The following MTCL1 variants were observed in gnomAD, a reference collection of about 807,000 sequenced individuals.
MTCL1 encodes the protein microtubule crosslinking factor 1, also known as microtubule cross-linking factor 1.
MTCL1 carries 79 observed loss-of-function variants against 141.4 expected under a neutral mutation model. That is an observed-to-expected ratio of 0.56 (90% confidence interval 0.47 to 0.67). The LOEUF (loss-of-function observed/expected upper bound fraction) is 0.67, where lower values mean the gene tolerates loss of function less well. MTCL1 is among the 30% of genes least tolerant of loss of function. The pLI is 0.00. For missense variants in MTCL1, 2,177 were observed against 2,113.9 expected (o/e 1.03, Z -0.59); for synonymous variants, 914 against 875.8 (o/e 1.04, Z -0.77).
At chr18:8,720,085 G>T in intron 3 of MTCL1, 1 of 360,328 alleles carries the variant, frequency 2.8e-6, no homozygotes, top group Non-Finnish European at 5.0e-6. Flanking sequence ...CAACTTTAGT[G>T]ACACTAAGGT....
chr18:8,788,665 A>C (rs1254938530), intron 7 of MTCL1, among the ~76,000 whole-genome samples: 1 of 152,192 alleles, frequency 6.6e-6, no homozygotes, highest in Non-Finnish European at 1.5e-5. Context: ...CAGATTGCAA[A>C]TCTGGGCAGT....
At chr18:8,789,247 G>A (rs969283616) in intron 7 of MTCL1, among the ~76,000 whole-genome samples, 5 of 152,292 alleles carry the variant, frequency 3.3e-5, no homozygotes, top group Admixed American at 1.3e-4. Flanking sequence ...AGTTACGTGG[G>A]GTTTTATGCC....
At chr18:8,785,466 G>A (rs1226022445) in intron 6 of MTCL1, among the ~76,000 whole-genome samples, 2 of 152,130 alleles carry the variant, frequency 1.3e-5, no homozygotes, top group African/African-American at 2.4e-5. Flanking sequence ...GGGCGCGGAG[G>A]GTCTCCGAGG....
chr18:8,798,086 G>A lies in MTCL1; in HGVS notation c.2242-11G>A, dbSNP rs202058453. On this transcript the variant is annotated splice_polypyrimidine_tract_variant and intron_variant, in intron 9 of 16. Coordinates refer to ENST00000359865, the Ensembl canonical transcript of MTCL1. ...GCTGAAGCTGTGATCGTCACCTCCT[G>A]CCTGTTTCAGGGTGAACATCCAGAG... 3.8e-6 allele frequency: 6 copies of A among 1,569,012 alleles called. No individual in the cohort carries two copies. Among genetic ancestry groups the A allele is most frequent in the East Asian group, 2.4e-5 (1 of 41,988 alleles).
At chr18:8,783,743 C>T in exon 6 of MTCL1, 5 of 1,611,092 alleles carry the variant, frequency 3.1e-6, no homozygotes, top group Non-Finnish European at 4.2e-6. Context: ...GAAGCTGCGG[C>T]TAAAGCTGGT....
exon 6 of MTCL1, chr18:8,784,273 CGAGAGTGATGCGGGCAAGAAG>C: frequency 6.3e-7 from 1 of 1,596,764 alleles, no homozygotes. Flanking sequence ...ACAGCGATGC[CGAGAGTGATGCGGGCAAGAAG>C]GAGAGTGATG....
intron 4 of MTCL1, among the ~76,000 whole-genome samples, chr18:8,751,422 G>A (rs758245159): frequency 7.9e-5 from 12 of 152,270 alleles, no homozygotes; most frequent in Admixed American, 2.0e-4. Context: ...TGATGTTGCC[G>A]CTACTGTTAC....
At chr18:8,825,488 T>C in exon 15 of MTCL1, 1 of 1,610,706 alleles carries the variant, frequency 6.2e-7, no homozygotes. Flanking sequence ...AGACCATCAG[T>C]GTGGGCTTGC....
chr18:8,786,254 G>A (rs1413832605), intron 7 of MTCL1, 163 bp downstream of exon 6: 4 of 827,618 alleles, frequency 4.8e-6, no homozygotes, highest in Non-Finnish European at 6.0e-6. Flanking sequence ...TTGTGGCACT[G>A]GGACAGGCAG....
At position 8,729,673 on chromosome 18, in the gene MTCL1, AATATATATATATATATATATAT is replaced by A. The variant is rs3051533; in HGVS notation, c.357+9216_357+9237del. 1.2e-3 allele frequency among the ~76,000 whole-genome samples: 156 copies of A among 131,574 alleles called. 1 individual carries two copies. Among genetic ancestry groups the A allele is most frequent in the African/African-American group, 2.5e-3 (94 of 36,906 alleles). The allele number at this position is 131,574 out of a possible 152,430, so 86.3% of individuals were successfully genotyped here. ...CTCACTTTGGCTTCCCAAGAAGACA[AATATATATATATATATATATAT>A]ATATATATATATATATATATATATA... On this transcript the variant is annotated intron_variant, in intron 4 of 16. Transcript: ENST00000359865.
intron 4 of MTCL1, among the ~76,000 whole-genome samples, chr18:8,768,685 T>C (rs1243117706): frequency 6.6e-6 from 1 of 152,222 alleles, no homozygotes; most frequent in Non-Finnish European, 1.5e-5. Context: ...CTAACTCTCT[T>C]GCTTTATTTC....
intron 4 of MTCL1, among the ~76,000 whole-genome samples, chr18:8,725,790 C>CTTT (rs796484848): frequency 1.1e-4 from 7 of 61,068 alleles, no homozygotes; most frequent in Non-Finnish European, 1.4e-4. Flanking sequence ...TTTTTTTTTT[C>CTTT]TTTTTTTTTT....
At chr18:8,713,699 A>G (rs1598360010), upstream of MTCL1, among the ~76,000 whole-genome samples, 2 of 152,334 alleles carry the variant, frequency 1.3e-5, no homozygotes, top group South Asian at 4.1e-4. Context: ...GAGTTGAAAC[A>G]CTGGCCCTGG....
chr18:8,766,046 T>A (rs2096458243), intron 4 of MTCL1, among the ~76,000 whole-genome samples: 1 of 152,244 alleles, frequency 6.6e-6, no homozygotes, highest in African/African-American at 2.4e-5. Flanking sequence ...GGAGGTCTTC[T>A]GGATTTTTAT....
At chr18:8,813,204 A>G in exon 12 of MTCL1, 1 of 1,611,680 alleles carries the variant, frequency 6.2e-7, no homozygotes, top group Non-Finnish European at 8.5e-7. Flanking sequence ...GGAGCGGCAG[A>G]AGAAGGAATT....
intron 4 of MTCL1, among the ~76,000 whole-genome samples, chr18:8,769,760 A>G (rs112940345): frequency 9.7e-4 from 148 of 152,322 alleles, no homozygotes; most frequent in African/African-American, 3.4e-3. Context: ...GCTCTGGCTC[A>G]TGGCCCCACT....
In MTCL1 at chr18:8,766,621, T is replaced by C. The variant is rs113158388; in HGVS notation, c.358-11212T>C. ...TAACTTTCTTAGCCTGTGTGTTCAT[T>C]CCAGACAGCACCAGAGATAATCAAA... On this transcript the variant is annotated intron_variant, in intron 4 of 16. Transcript: ENST00000359865. 2.9e-3 allele frequency among the ~76,000 whole-genome samples: 438 copies of C among 152,350 alleles called. 4 individuals are homozygous for C. Among genetic ancestry groups the C allele is most frequent in the African/African-American group, 9.8e-3 (408 of 41,582 alleles).
chr18:8,792,688 A>G (rs2075775960), intron 7 of MTCL1, among the ~76,000 whole-genome samples: 1 of 152,118 alleles, frequency 6.6e-6, no homozygotes, highest in Admixed American at 6.5e-5. Flanking sequence ...GAGCAAGGAC[A>G]CCTCTGGTGT....
chr18:8,733,214 G>A (rs993758784), intron 4 of MTCL1, among the ~76,000 whole-genome samples: 1 of 152,220 alleles, frequency 6.6e-6, no homozygotes, highest in Non-Finnish European at 1.5e-5. Flanking sequence ...GTGAGACGAG[G>A]CCGGGGAGTG....
Sources: gnomAD v4.1 joint callset for allele counts (sites outside exome capture counted in the v4.1 genomes callset) on GRCh38, gnomAD v4.1.1 for gene constraint, MANE v1.5 for transcripts, NCBI Gene and HGNC (gene_info 2026-07-23, HGNC 2026-07-21) for gene names.